The following WWC2 variants were observed in gnomAD, a reference collection of about 807,000 sequenced individuals.
The protein encoded by WWC2 is protein WWC2.
WWC2 carries 101 observed loss-of-function variants against 138.5 expected under a neutral mutation model. The observed-to-expected ratio is 0.73, with a 90% CI of 0.62 to 0.86. WWC2 has a LOEUF of 0.86. WWC2 is among the 40% of genes least tolerant of loss of function. The pLI, the probability that WWC2 is intolerant of heterozygous loss-of-function variation, is 0.00. For missense variants in WWC2, 1,420 were observed against 1,419.4 expected, an observed-to-expected ratio of 1.00 and a Z score of -0.01; for synonymous variants, 558 against 538.4, an observed-to-expected ratio of 1.04 and a Z score of -0.50.
In WWC2 at chr4:183,193,637, A is replaced by G. The variant is rs774744067; in HGVS notation, c.170A>G (p.Asp57Gly). 1.9e-6 allele frequency: 3 copies of G among 1,613,904 alleles called. No homozygotes were observed. Among genetic ancestry groups the G allele is most frequent in the East Asian group, 4.5e-5 (2 of 44,870 alleles). Reference protein sequence around the residue: ...KPLSFADCVGDELPWGWEAGF... With the variant: ...KPLSFADCVGGELPWGWEAGF... ...TTGTCATTTGCTGATTGTGTTGGGGATGAGCTGCCGTGGGGATGGGAAGCA... is the reference window on the plus strand; with the variant it reads ...TTGTCATTTGCTGATTGTGTTGGGGGTGAGCTGCCGTGGGGATGGGAAGCA... Residue 57 changes from aspartate to glycine, a missense_variant, in exon 2 of 23, where the codon GAT becomes GGT. Physicochemically the swap from Asp to Gly is moderately conservative, Grantham distance 94 (BLOSUM62 -1). Transcript: ENST00000403733.
At chr4:183,173,969 G>A (rs1474980051) in intron 1 of WWC2, among the ~76,000 whole-genome samples, 1 of 152,090 alleles carries the variant, frequency 6.6e-6, no homozygotes, top group African/African-American at 2.4e-5. Flanking sequence ...TTTCTGTTAA[G>A]GCACTCCCAG....
At chr4:183,270,459 G>A (rs944483270) in intron 15 of WWC2, among the ~76,000 whole-genome samples, 1 of 151,828 alleles carries the variant, frequency 6.6e-6, no homozygotes, top group Non-Finnish European at 1.5e-5. Flanking sequence ...CACCTTTACA[G>A]CATATTATAA....
chr4:183,150,572 T>G (rs1733608648), intron 1 of WWC2, among the ~76,000 whole-genome samples: 2 of 152,180 alleles, frequency 1.3e-5, no homozygotes, highest in Admixed American at 6.5e-5. Context: ...TACTTTAAGT[T>G]CTGGGGTACA....
intron 1 of WWC2, among the ~76,000 whole-genome samples, chr4:183,159,645 TC>T (rs1220591041): frequency 6.6e-6 from 1 of 151,860 alleles, no homozygotes; most frequent in Non-Finnish European, 1.5e-5. Context: ...GCTCAGGTGA[TC>T]CATCTGCCTC....
intron 1 of WWC2, among the ~76,000 whole-genome samples, chr4:183,102,232 TATC>T (rs1460092474): frequency 1.3e-5 from 2 of 152,072 alleles, no homozygotes; most frequent in East Asian, 3.9e-4. Context: ...ATGAGGATAA[TATC>T]ATCTTCTTCA....
intron 16 of WWC2, among the ~76,000 whole-genome samples, chr4:183,275,860 C>G (rs1327920284): frequency 1.3e-5 from 2 of 152,132 alleles, no homozygotes; most frequent in Non-Finnish European, 2.9e-5. Context: ...GTAAACGTTT[C>G]ATAGAATTCA....
chr4:183,150,169 T>C (rs974803198), intron 1 of WWC2, among the ~76,000 whole-genome samples: 2 of 152,236 alleles, frequency 1.3e-5, no homozygotes, highest in African/African-American at 2.4e-5. Flanking sequence ...TTCAGAAGAA[T>C]GGACTCTGTA....
chr4:183,140,712 C>G (rs1733275918), intron 1 of WWC2, among the ~76,000 whole-genome samples: 1 of 152,012 alleles, frequency 6.6e-6, no homozygotes, highest in East Asian at 1.9e-4. Flanking sequence ...TTAATAAGAC[C>G]TTGGAAGAAC....
At chr4:183,191,307 C>T (rs1270331715) in intron 1 of WWC2, among the ~76,000 whole-genome samples, 1 of 152,064 alleles carries the variant, frequency 6.6e-6, no homozygotes, top group African/African-American at 2.4e-5. Context: ...AGTTCAAATA[C>T]ACTCCATGTT....
At chr4:183,211,028 GT>G (rs1361166777) in intron 4 of WWC2, among the ~76,000 whole-genome samples, 1 of 152,126 alleles carries the variant, frequency 6.6e-6, no homozygotes, top group African/African-American at 2.4e-5. Flanking sequence ...CATCTCACAA[GT>G]TTTGAATTTT....
intron 1 of WWC2, among the ~76,000 whole-genome samples, chr4:183,100,862 G>A (rs1382262986): frequency 2.0e-5 from 3 of 152,212 alleles, no homozygotes; most frequent in Non-Finnish European, 4.4e-5. Flanking sequence ...CCTGTGCTGA[G>A]GTTCGGTCTT....
At chr4:183,128,256 T>C (rs1732819031) in intron 1 of WWC2, among the ~76,000 whole-genome samples, 1 of 152,086 alleles carries the variant, frequency 6.6e-6, no homozygotes, top group Non-Finnish European at 1.5e-5. Context: ...GAAGAATTGC[T>C]TGAACTTGGA....
rs1743090459 is a variant in WWC2, at chr4:183,099,533, G to T, written c.42G>T (p.Arg14=). 1 of 1,409,388 alleles carries T rather than the reference G, an allele frequency of 7.1e-7. No individual in the cohort carries two copies. The highest frequency in any genetic ancestry group is 3.2e-5 in the East Asian group (1 of 31,170). 87.3% of individuals were successfully genotyped at this position (1,409,388 alleles called of 1,614,324 possible). The change falls in exon 1 of 23, where the codon CGG becomes CGT. Residue 14 remains arginine (R), a synonymous_variant. Coordinates refer to ENST00000403733, the MANE Select transcript of WWC2 (RefSeq NM_024949.6). ...GGAGCGGTCAGCTGCCGCTGCCCCGGGGCTGGGAGGAGGCCAGGGACTACG... is the reference window on the plus strand; with the variant it reads ...GGAGCGGTCAGCTGCCGCTGCCCCGTGGCTGGGAGGAGGCCAGGGACTACG... The part of the protein sequence containing the change: ...RAGSGQLPLP[R]GWEEARDYDG...
rs1389033351 is a variant in WWC2 at position 183,319,465 on chromosome 4, A to G, written c.*3736A>G. The G allele has an allele frequency of 6.0e-6, 8 of 1,329,480 alleles. No individual in the cohort carries two copies. The highest frequency in any genetic ancestry group is 1.5e-5 in the South Asian group (1 of 67,980). 82.4% of individuals were successfully genotyped at this position (1,329,480 alleles called of 1,614,324 possible). A position where few individuals can be genotyped will look rare whatever the true frequency, so the allele number is the denominator to read the frequency against. On this transcript the variant is annotated 3_prime_UTR_variant, in exon 23 of 23. Coordinates refer to ENST00000403733, the MANE Select transcript of WWC2 (RefSeq NM_024949.6). ...GGAAAAGATGCATTTTCAAAAATCA[A>G]AAGCACAGTGAGATGACTAGAGCGG...
chr4:183,232,772 C>G (rs567518469), intron 4 of WWC2, among the ~76,000 whole-genome samples: 1 of 152,076 alleles, frequency 6.6e-6, no homozygotes, highest in Non-Finnish European at 1.5e-5. Flanking sequence ...CTCAGCCTCC[C>G]GAGTAGCTGG....
intron 1 of WWC2, among the ~76,000 whole-genome samples, chr4:183,175,897 G>C (rs1284824806): frequency 1.3e-5 from 2 of 152,228 alleles, no homozygotes; most frequent in African/African-American, 2.4e-5. Flanking sequence ...CAAAGAAGCA[G>C]TATTTGTCTT....
intron 7 of WWC2, among the ~76,000 whole-genome samples, chr4:183,249,303 C>T (rs1736900181): frequency 6.6e-6 from 1 of 152,130 alleles, no homozygotes; most frequent in Admixed American, 6.6e-5. Flanking sequence ...TGATTTATAT[C>T]TGCCATTTAA....
intron 21 of WWC2, among the ~76,000 whole-genome samples, chr4:183,305,868 C>A (rs1390057385): frequency 2.6e-5 from 4 of 152,094 alleles, no homozygotes; most frequent in Non-Finnish European, 5.9e-5. Flanking sequence ...AAGAATTTTT[C>A]TTATTCTTAA....
chr4:183,285,914 C>T, intron 19 of WWC2, 53 bp from the exon 20 acceptor site: 1 of 1,500,874 alleles, frequency 6.7e-7, no homozygotes, highest in Admixed American at 2.0e-5. Context: ...CAAACTTCCA[C>T]TTGCACTCTG....
Sources: gnomAD v4.1 joint callset for allele counts (sites outside exome capture counted in the v4.1 genomes callset) on GRCh38, gnomAD v4.1.1 for gene constraint, MANE v1.5 for transcripts, NCBI Gene and HGNC (gene_info 2026-07-23, HGNC 2026-07-21) for gene names.